NCKAP5: variants seen among roughly 807,000 people sequenced by gnomAD.
NCKAP5 encodes the protein nck-associated protein 5.
NCKAP5 carries 92 observed loss-of-function variants against 167.0 expected under a neutral mutation model. That is an observed-to-expected ratio of 0.55 (90% CI 0.47 to 0.66). The LOEUF is 0.66. Among genes scored for constraint, NCKAP5 ranks in the 30% least tolerant of loss-of-function variants. NCKAP5 has a pLI of 0.00. For synonymous variants in NCKAP5, 891 were observed against 877.4 expected (o/e 1.02, Z -0.27); for missense variants, 2,378 against 2,315.0 (o/e 1.03, Z -0.56).
At chr2:132,859,529 A>G (rs58007459) in intron 11 of NCKAP5, among the ~76,000 whole-genome samples, 3 of 152,162 alleles carry the variant, frequency 2.0e-5, no homozygotes, top group Middle Eastern at 3.4e-3. Context: ...CTTAATTTTA[A>G]TTTAATTTAA....
chr2:132,689,244 A>G (rs1017546415), intron 19 of NCKAP5, among the ~76,000 whole-genome samples: 2 of 152,156 alleles, frequency 1.3e-5, no homozygotes, highest in African/African-American at 4.8e-5. Context: ...TAGGAACTGC[A>G]TGGATTCATC....
At chr2:132,965,643 TAGG>T (rs1387110444) in intron 7 of NCKAP5, among the ~76,000 whole-genome samples, 1 of 152,104 alleles carries the variant, frequency 6.6e-6, no homozygotes, top group African/African-American at 2.4e-5. Context: ...ACACATTCCT[TAGG>T]AGATTTCATC....
At chr2:132,721,875 T>G (rs951429292) in intron 19 of NCKAP5, among the ~76,000 whole-genome samples, 1 of 152,144 alleles carries the variant, frequency 6.6e-6, no homozygotes, top group South Asian at 2.1e-4. Context: ...AAAGACTGTC[T>G]TGCTGTTTGT....
intron 4 of NCKAP5, among the ~76,000 whole-genome samples, chr2:133,217,662 A>C (rs535212552): frequency 2.0e-4 from 30 of 152,094 alleles, no homozygotes; most frequent in Non-Finnish European, 3.8e-4. Context: ...GATTATATTT[A>C]GTTCATCTCT....
At chr2:133,126,562 G>C (rs1291058539) in intron 6 of NCKAP5, among the ~76,000 whole-genome samples, 1 of 152,160 alleles carries the variant, frequency 6.6e-6, no homozygotes, top group Non-Finnish European at 1.5e-5. Flanking sequence ...GTGACATAGT[G>C]AAAGCAGCAG....
At chr2:132,878,066 T>C (rs916484644) in intron 9 of NCKAP5, among the ~76,000 whole-genome samples, 4 of 152,120 alleles carry the variant, frequency 2.6e-5, no homozygotes, top group African/African-American at 9.7e-5. Context: ...GGTGAGAACT[T>C]GTCAGGGAGC....
intron 3 of NCKAP5, among the ~76,000 whole-genome samples, chr2:133,315,177 G>T (rs891589792): frequency 6.6e-6 from 1 of 152,150 alleles, no homozygotes; most frequent in African/African-American, 2.4e-5. Context: ...GTTGACTGAA[G>T]GAATAGGGGG....
chr2:133,632,901 T>A, the NCKAP5 span, among the ~76,000 whole-genome samples: 2 of 152,170 alleles, frequency 1.3e-5, no homozygotes, highest in Admixed American at 1.3e-4. Flanking sequence ...TTCACCCATT[T>A]AGGTCCCTTG....
intron 6 of NCKAP5, among the ~76,000 whole-genome samples, chr2:133,068,209 C>G (rs2080265297): frequency 6.6e-6 from 1 of 152,100 alleles, no homozygotes; most frequent in Admixed American, 6.5e-5. Context: ...TAGGGCATAC[C>G]TGAACCTTTG....
At chr2:133,007,858 A>G (rs1213895404) in intron 6 of NCKAP5, among the ~76,000 whole-genome samples, 4 of 152,200 alleles carry the variant, frequency 2.6e-5, no homozygotes, top group African/African-American at 9.7e-5. Context: ...TGGAGAATGT[A>G]GTATGGATTT....
intron 19 of NCKAP5, among the ~76,000 whole-genome samples, chr2:132,708,744 AC>A (rs1351287944): frequency 6.6e-6 from 1 of 152,204 alleles, no homozygotes; most frequent in Non-Finnish European, 1.5e-5. Flanking sequence ...ATGCCTTCTT[AC>A]GTCTTTCCCC....
chr2:133,634,177 T>C, the NCKAP5 span, among the ~76,000 whole-genome samples: 23 of 152,340 alleles, frequency 1.5e-4, no homozygotes, highest in African/African-American at 4.3e-4. Flanking sequence ...GGTTTCCATT[T>C]AAATTTACAG....
At chr2:132,768,742 C>T (rs918638735) in intron 16 of NCKAP5, among the ~76,000 whole-genome samples, 10 of 150,918 alleles carry the variant, frequency 6.6e-5, no homozygotes, top group Non-Finnish European at 1.0e-4. Context: ...CAGGTTCACG[C>T]CATTCTCCTG....
chr2:132,797,894 G>C (rs777189115), intron 11 of NCKAP5, among the ~76,000 whole-genome samples: 238 of 152,136 alleles, frequency 1.6e-3, no homozygotes, highest in Non-Finnish European at 2.8e-3. Flanking sequence ...ACTTGGTTAG[G>C]TGATTATTCA....
intron 8 of NCKAP5, among the ~76,000 whole-genome samples, chr2:132,899,400 G>A (rs1264846045): frequency 1.3e-5 from 2 of 152,248 alleles, no homozygotes; most frequent in African/African-American, 2.4e-5. Flanking sequence ...ATAGCCATAA[G>A]GCTGTTTTGC....
chr2:133,426,161 T>C (rs1282244814), intron 3 of NCKAP5, among the ~76,000 whole-genome samples: 2 of 151,936 alleles, frequency 1.3e-5, no homozygotes, highest in Non-Finnish European at 2.9e-5. Flanking sequence ...TCCCAGCTAC[T>C]TGGGAGGCTG....
chr2:133,603,504 C>T, the NCKAP5 span, among the ~76,000 whole-genome samples: 4 of 152,060 alleles, frequency 2.6e-5, no homozygotes, highest in Non-Finnish European at 5.9e-5. Context: ...GGATTACAGG[C>T]GTGAGCCACC....
intron 7 of NCKAP5, among the ~76,000 whole-genome samples, chr2:132,988,796 A>C (rs1240125504): frequency 5.3e-5 from 8 of 152,248 alleles, no homozygotes; most frequent in Non-Finnish European, 1.2e-4. Context: ...AGTGAAAAAA[A>C]GGAATGTAAT....
chr2:132,902,129 G>A (rs2148915222), intron 8 of NCKAP5, among the ~76,000 whole-genome samples: 1 of 152,290 alleles, frequency 6.6e-6, no homozygotes, highest in African/African-American at 2.4e-5. Context: ...CAGCACCAAA[G>A]TAAAGAGAAA....
Sources: allele counts gnomAD v4.1 joint callset (sites outside exome capture counted in the v4.1 genomes callset), GRCh38; gene constraint gnomAD v4.1.1; transcripts MANE v1.5; gene names NCBI Gene and HGNC (gene_info 2026-07-23, HGNC 2026-07-21).